Variants in RTN4RL1 observed in about 807,000 individuals in gnomAD.
RTN4RL1 encodes reticulon 4 receptor like 1.
Under a neutral mutation model 25.6 loss-of-function variants are expected in RTN4RL1, and 7 were observed. That is an observed-to-expected ratio of 0.27 (90% CI 0.16 to 0.51). The LOEUF (loss-of-function observed/expected upper bound fraction) is 0.51. RTN4RL1 is among the 20% of genes least tolerant of loss of function. The pLI is 0.97. For missense variants in RTN4RL1, 500 were observed against 615.6 expected (o/e 0.81, Z 1.99); for synonymous variants, 297 against 288.2 (o/e 1.03, Z -0.31).
intron 1 of RTN4RL1, among the ~76,000 whole-genome samples, chr17:1,941,959 G>A (rs57640871): frequency 6.6e-6 from 1 of 152,306 alleles, no homozygotes; most frequent in East Asian, 1.9e-4. Context: ...CTGATTGCCT[G>A]ATTAATGTGC....
At chr17:1,961,063 T>G (rs1915884359) in intron 1 of RTN4RL1, among the ~76,000 whole-genome samples, 1 of 152,220 alleles carries the variant, frequency 6.6e-6, no homozygotes, top group Non-Finnish European at 1.5e-5. Flanking sequence ...GTCTTTCCCC[T>G]TGTCGCTCCC....
chr17:1,963,918 G>A (rs1042190545), intron 1 of RTN4RL1, among the ~76,000 whole-genome samples: 1 of 152,104 alleles, frequency 6.6e-6, no homozygotes, highest in African/African-American at 2.4e-5. Flanking sequence ...GTAGAGACAG[G>A]ATTTCACCAT....
chr17:1,997,703 G>C (rs959070848), intron 1 of RTN4RL1, among the ~76,000 whole-genome samples: 3 of 152,130 alleles, frequency 2.0e-5, no homozygotes, highest in Non-Finnish European at 2.9e-5. Flanking sequence ...CCTCCCTCTA[G>C]GGCACCCCTA....
intron 1 of RTN4RL1, among the ~76,000 whole-genome samples, chr17:1,938,825 C>T (rs963991999): frequency 7.9e-5 from 12 of 151,404 alleles, no homozygotes; most frequent in South Asian, 4.2e-4. Flanking sequence ...CCGAGGCAGG[C>T]GGATCACCTG....
intron 1 of RTN4RL1, among the ~76,000 whole-genome samples, chr17:1,942,805 G>A (rs1466074912): frequency 6.6e-6 from 1 of 152,158 alleles, no homozygotes; most frequent in Non-Finnish European, 1.5e-5. Flanking sequence ...GTTGTCCTGT[G>A]AGGCCACACC....
chr17:1,943,701 C>G (rs1915483634), intron 1 of RTN4RL1, among the ~76,000 whole-genome samples: 1 of 152,210 alleles, frequency 6.6e-6, no homozygotes, highest in South Asian at 2.1e-4. Flanking sequence ...CCATGCTGCA[C>G]CCAAGCACAG....
chr17:1,966,187 G>C (rs1285433787), intron 1 of RTN4RL1, among the ~76,000 whole-genome samples: 1 of 152,178 alleles, frequency 6.6e-6, no homozygotes, highest in African/African-American at 2.4e-5. Context: ...ACTCGACGTG[G>C]TACAGTGACA....
chr17:2,005,770 T>TCC (rs1169193658), intron 1 of RTN4RL1, among the ~76,000 whole-genome samples: 1 of 140,808 alleles, frequency 7.1e-6, no homozygotes, highest in Non-Finnish European at 1.6e-5. Context: ...TCTCTCCTTC[T>TCC]CTTTCTTTTT....
At chr17:1,971,894 G>A (rs375167067) in intron 1 of RTN4RL1, among the ~76,000 whole-genome samples, 140 of 149,266 alleles carry the variant, frequency 9.4e-4, no homozygotes, top group African/African-American at 3.1e-3. Context: ...CCTGGGAGGC[G>A]GAGCTTGCAG....
Position 1,936,489 on chromosome 17 carries a change from T to C in RTN4RL1, c.*7A>G. ...GTGGCAGTGCTGGGTGCTGACGCCC[T>C]GGGTCCTCAGCGGAGAGTGACCGCC... On this transcript the variant is annotated 3_prime_UTR_variant, in exon 2 of 2. Transcript: ENST00000331238. The C allele has an allele frequency of 6.5e-7, 1 of 1,538,438 alleles. No individual in the cohort carries two copies. The highest frequency in any genetic ancestry group is 1.7e-4 in the Middle Eastern group (1 of 5,908).
chr17:1,936,208 A>C lies in RTN4RL1; in HGVS notation c.*288T>G. On this transcript the variant is annotated 3_prime_UTR_variant, in exon 2 of 2. Transcript: ENST00000331238. ...ATTGTCCCACTGTTGCCAGTGGAGG[A>C]TGCACTTGGAGTGCCTTTTCCCACC... 1 of 1,240,386 alleles carries C rather than the reference A, an allele frequency of 8.1e-7. No homozygotes were observed. 76.8% of individuals were successfully genotyped at this position (1,240,386 alleles called of 1,614,324 possible).
chr17:1,996,553 C>A (rs919242109), intron 1 of RTN4RL1, among the ~76,000 whole-genome samples: 3 of 152,144 alleles, frequency 2.0e-5, no homozygotes, highest in African/African-American at 7.2e-5. Context: ...GCCTTATCAG[C>A]CTTGCTTTTC....
chr17:1,976,839 GT>G (rs1288742769), intron 1 of RTN4RL1, among the ~76,000 whole-genome samples: 4 of 152,216 alleles, frequency 2.6e-5, no homozygotes, highest in Admixed American at 2.6e-4. Flanking sequence ...TTGTCATTTA[GT>G]GGCTATTTGC....
intron 1 of RTN4RL1, among the ~76,000 whole-genome samples, chr17:2,005,725 A>ATC (rs1156657186): frequency 9.4e-5 from 11 of 116,622 alleles, no homozygotes; most frequent in Non-Finnish European, 1.5e-4. Context: ...GAGCAAGACC[A>ATC]TCTCTCTCTC....
intron 1 of RTN4RL1, among the ~76,000 whole-genome samples, chr17:1,979,685 G>T (rs990332983): frequency 2.1e-4 from 32 of 152,232 alleles, no homozygotes; most frequent in Middle Eastern, 3.4e-3. Context: ...AGCAATCACT[G>T]CGCACCTGCT....
At chr17:2,007,083 T>C (rs2067002001) in intron 1 of RTN4RL1, among the ~76,000 whole-genome samples, 1 of 152,152 alleles carries the variant, frequency 6.6e-6, no homozygotes, top group African/African-American at 2.4e-5. Context: ...GCTGCAGCTC[T>C]CTGAGCTTCA....
Position 1,977,417 on chromosome 17 carries a change from C to A in RTN4RL1, c.14-39609G>T, listed in dbSNP as rs557380690. Among the ~76,000 whole-genome samples, 5 of 152,314 alleles carry A rather than the reference C, an allele frequency of 3.3e-5. No homozygotes were observed. In the South Asian group the frequency reaches 1.0e-3, roughly 32 times the overall value. ...CTTGGAGCCTGCCCTTCCCCACCTT[C>A]GGGGTTCTCCCTGGATCCACCACCT... On this transcript the variant is annotated intron_variant, in intron 1 of 1. Coordinates refer to ENST00000331238, the MANE Select transcript of RTN4RL1 (RefSeq NM_178568.4).
intron 1 of RTN4RL1, among the ~76,000 whole-genome samples, chr17:1,948,186 C>T (rs945739785): frequency 2.6e-5 from 4 of 152,342 alleles, no homozygotes; most frequent in South Asian, 4.1e-4. Context: ...GTGGAAACAG[C>T]GCACTGACCT....
chr17:1,991,114 T>C (rs560670940), intron 1 of RTN4RL1, among the ~76,000 whole-genome samples: 1 of 152,334 alleles, frequency 6.6e-6, no homozygotes, highest in South Asian at 2.1e-4. Flanking sequence ...AGCAAACATT[T>C]ATCGAGCATC....
Sources: gnomAD v4.1 joint callset for allele counts (sites outside exome capture counted in the v4.1 genomes callset) on GRCh38, gnomAD v4.1.1 for gene constraint, MANE v1.5 for transcripts, NCBI Gene and HGNC (gene_info 2026-07-23, HGNC 2026-07-21) for gene names.